Variants in TDO2 observed in about 807,000 individuals in gnomAD.
TDO2 encodes tryptamin 2,3-dioxygenase.
A neutral mutation model predicts 61.2 loss-of-function variants in TDO2; 63 were observed. The observed-to-expected ratio is 1.03, with a 90% confidence interval of 0.84 to 1.27. TDO2 has a LOEUF of 1.27. TDO2 is among the 50% of genes most tolerant of loss of function. The pLI is 0.00. For synonymous variants in TDO2, 183 were observed against 164.0 expected (o/e 1.12, Z -0.89); for missense variants, 494 against 469.5 (o/e 1.05, Z -0.48).
In TDO2 at chr4:155,907,482, T is replaced by C. The variant is rs3796554; in HGVS notation, c.233-240T>C. The C allele has an allele frequency of 1.6e-3, 707 of 436,040 alleles. 13 individuals carry two copies. In the East Asian group the frequency reaches 0.026, roughly 16 times the overall value. The allele number at this position is 436,040 out of a possible 1,614,324, so 27.0% of individuals were successfully genotyped here. A position where few individuals can be genotyped will look rare whatever the true frequency, so the allele number is the denominator to read the frequency against. ...CATTTGTTGAGAGGAATTAGTGTAA[T>C]AATAATGAATATGAAGCATTAGGTA... On this transcript the variant is annotated intron_variant, in intron 3 of 11. Transcript: ENST00000536354.
At chr4:155,912,519 T>G (rs568082420) in intron 7 of TDO2, among the ~76,000 whole-genome samples, 26 of 152,274 alleles carry the variant, frequency 1.7e-4, no homozygotes, top group African/African-American at 6.3e-4. Context: ...TTGAACATTC[T>G]TTTCTCTTGG....
At chr4:155,904,525 C>T (rs139678887) in intron 2 of TDO2, among the ~76,000 whole-genome samples, 1 of 152,212 alleles carries the variant, frequency 6.6e-6, no homozygotes, top group Non-Finnish European at 1.5e-5. Flanking sequence ...GTAAAAGGCA[C>T]ACAGAGAATT....
intron 2 of TDO2, 107 bp downstream of exon 2, chr4:155,904,230 C>A (rs969130878): frequency 5.2e-6 from 4 of 766,726 alleles, no homozygotes; most frequent in Non-Finnish European, 8.5e-6. Flanking sequence ...AGTCACCAAT[C>A]GTTTTCTGGA....
At chr4:155,916,930 G>T (rs1270312985) in intron 9 of TDO2, among the ~76,000 whole-genome samples, 1 of 151,360 alleles carries the variant, frequency 6.6e-6, no homozygotes, top group Non-Finnish European at 1.5e-5. Context: ...AAAATATGCT[G>T]AGAAAGGTGA....
intron 9 of TDO2, 36 bp downstream of exon 9, chr4:155,915,948 T>C (rs368970313): frequency 2.6e-6 from 4 of 1,568,064 alleles, no homozygotes; most frequent in East Asian, 4.6e-5. Flanking sequence ...AAGTTAAAAT[T>C]GAGGGGTGGA....
rs1290053410 is a variant in TDO2 at position 155,904,006 on chromosome 4, T to A, written c.36-12T>A. 6.2e-7 allele frequency: 1 copy of A among 1,609,724 alleles called. No individual in the cohort carries two copies. Among genetic ancestry groups the A allele is most frequent in the Non-Finnish European group, 8.5e-7 (1 of 1,176,446 alleles). On this transcript the variant is annotated splice_polypyrimidine_tract_variant and intron_variant, in intron 1 of 11. Transcript: ENST00000536354. ...AGCACTATTTTTCCCTCTTGATTTA[T>A]TAAATTTGCAGATATACTTTTAAAA...
intron 9 of TDO2, among the ~76,000 whole-genome samples, chr4:155,916,292 C>A (rs994197476): frequency 1.8e-4 from 27 of 145,962 alleles, no homozygotes; most frequent in Middle Eastern, 3.2e-3. Flanking sequence ...CTCAGCCTCC[C>A]GAGTAGCTGG....
At chr4:155,916,955 AAAAACAAAAC>A (rs906484942) in intron 9 of TDO2, among the ~76,000 whole-genome samples, 8 of 152,096 alleles carry the variant, frequency 5.3e-5, no homozygotes, top group Non-Finnish European at 1.2e-4. Flanking sequence ...ATAGATGTAA[AAAAACAAAAC>A]AAAACAAAAC....
intron 9 of TDO2, among the ~76,000 whole-genome samples, chr4:155,916,995 CAAA>C (rs549116374): frequency 6.6e-6 from 1 of 151,154 alleles, no homozygotes; most frequent in Non-Finnish European, 1.5e-5. Flanking sequence ...AAAAACAAAA[CAAA>C]AAAACAAATA....
rs895715412 is a variant in TDO2, at chr4:155,920,037, T to A, written c.*47T>A. On this transcript the variant is annotated 3_prime_UTR_variant, in exon 12 of 12. Coordinates refer to ENST00000536354, the MANE Select transcript of TDO2 (RefSeq NM_005651.4). The stretch of plus-strand genomic sequence containing the variant: ...AGAATACTGGTTTCACAGCCTATTT[T>A]TTATTTTCTATGGATTTTCATAAAT... 6.4e-7 allele frequency: 1 copy of A among 1,571,228 alleles called. No individual in the cohort carries two copies. The highest frequency in any genetic ancestry group is 1.4e-5 in the African/African-American group (1 of 73,308).
intron 8 of TDO2, among the ~76,000 whole-genome samples, chr4:155,914,975 C>T (rs1246166271): frequency 1.3e-5 from 2 of 152,080 alleles, no homozygotes; most frequent in African/African-American, 4.8e-5. Context: ...GTTCTCTGGG[C>T]TTGGAATGTT....
intron 10 of TDO2, 60 bp downstream of exon 10, chr4:155,917,534 C>T (rs1363340133): frequency 7.0e-7 from 1 of 1,428,222 alleles, no homozygotes; most frequent in Non-Finnish European, 9.6e-7. Context: ...TGCTCTTTAT[C>T]TTGGTCTTCT....
At chr4:155,904,240 A>T (rs1742679054) in intron 2 of TDO2, 117 bp downstream of exon 2, 2 of 700,012 alleles carry the variant, frequency 2.9e-6, no homozygotes, top group Admixed American at 6.1e-5. Flanking sequence ...CGTTTTCTGG[A>T]CCTAAGGATA....
At chr4:155,910,582 T>A (rs1260303937) in intron 6 of TDO2, among the ~76,000 whole-genome samples, 1 of 152,178 alleles carries the variant, frequency 6.6e-6, no homozygotes, top group Admixed American at 6.5e-5. Flanking sequence ...ATTGAAAATT[T>A]CCAGTTATTT....
rs1560773967 is a variant in TDO2, at chr4:155,903,755, C to G, written c.-4C>G. On this transcript the variant is annotated 5_prime_UTR_variant, in exon 1 of 12. Coordinates refer to ENST00000536354, the MANE Select transcript of TDO2 (RefSeq NM_005651.4). ...CCGTGCTTCTCAGACAGTGCCTTTT[C>G]ACCATGAGTGGGTGCCCATTTTTAG... 13 of 1,614,174 alleles carry G rather than the reference C, an allele frequency of 8.1e-6. No homozygotes were observed. Among genetic ancestry groups the G allele is most frequent in the African/African-American group, 1.3e-5 (1 of 75,066 alleles).
Position 155,911,549 on chromosome 4 carries a change from G to A in TDO2, c.671G>A (p.Gly224Glu). The A allele has an allele frequency of 1.3e-6, 2 of 1,598,444 alleles. No homozygotes were observed. The highest frequency in any genetic ancestry group is 1.7e-6 in the Non-Finnish European group (2 of 1,171,422). ...GAGCCACATGGATTTAACTTCTGGG[G>A]AAAGCTTGAAAAAAATATCACCAGA... ...GLEPHGFNFW[G>E]KLEKNITRGL... is the part of the protein sequence containing the mutation. The change falls in exon 7 of 12, where the codon GGA (glycine) becomes GAA (glutamate). Residue 224 changes from glycine (G) to glutamate (E), a missense_variant. Transcript: ENST00000536354.
chr4:155,913,880 T>C (rs758626474), intron 7 of TDO2, among the ~76,000 whole-genome samples: 70 of 152,080 alleles, frequency 4.6e-4, no homozygotes, highest in Non-Finnish European at 1.6e-4. Context: ...ATCTAAGAAA[T>C]TGTATTTACA....
Position 155,904,021 on chromosome 4 carries a change from T to C in TDO2, c.39T>C (p.Tyr13=), listed in dbSNP as rs766640851. 1.5e-5 allele frequency: 25 copies of C among 1,613,426 alleles called. No homozygotes were observed. Among genetic ancestry groups the C allele is most frequent in the African/African-American group, 6.7e-5 (5 of 74,906 alleles). The change falls in exon 2 of 12, where the codon TAT becomes TAC. Residue 13 remains tyrosine, a synonymous_variant. Transcript: ENST00000536354. ...GCPFLGNNFG[Y]TFKKLPVEGS... ...TCTTGATTTATTAAATTTGCAGATA[T>C]ACTTTTAAAAAACTCCCCGTAGAAG...
rs759523211 is a variant in TDO2, at chr4:155,907,776, T to G, written c.287T>G (p.Ile96Ser). The G allele has an allele frequency of 1.9e-6, 3 of 1,613,134 alleles. No individual in the cohort carries two copies. Among genetic ancestry groups the G allele is most frequent in the Non-Finnish European group, 2.5e-6 (3 of 1,179,506 alleles). ...ILWELDSVREIFQNGHVRDER... is the reference protein window; with the variant it reads ...ILWELDSVRESFQNGHVRDER... The stretch of plus-strand genomic sequence containing the variant: ...TGGGAGTTGGATTCTGTTCGAGAGA[T>G]CTTTCAGAATGGCCATGTAAGTTCT... Residue 96 changes from isoleucine (I) to serine (S), a missense_variant, in exon 4 of 12, where the codon ATC becomes AGC. Transcript: ENST00000536354.
Sources: allele counts gnomAD v4.1 joint callset (sites outside exome capture counted in the v4.1 genomes callset), GRCh38; gene constraint gnomAD v4.1.1; transcripts MANE v1.5; gene names NCBI Gene and HGNC (gene_info 2026-07-23, HGNC 2026-07-21).